TRPM3: variants seen among roughly 807,000 people sequenced by gnomAD.
TRPM3 encodes the protein long transient receptor potential channel 3.
A neutral mutation model predicts 181.2 loss-of-function variants in TRPM3; 77 were observed. The ratio of observed to expected loss-of-function variants is 0.42; its 90% CI spans 0.35 to 0.51. The LOEUF (loss-of-function observed/expected upper bound fraction) is 0.51. Ranked by LOEUF, TRPM3 falls within the 20% of genes least tolerant of loss-of-function variation. The probability of loss-of-function intolerance (pLI) is 0.01; values close to 1 mark genes in which losing one functional copy is unlikely to be tolerated. For synonymous variants in TRPM3, 745 were observed against 796.4 expected (o/e 0.94, Z 1.09); for missense variants, 1,759 against 2,196.7 (o/e 0.80, Z 3.98).
chr9:71,069,736 G>A (rs2062468086), intron 1 of TRPM3, among the ~76,000 whole-genome samples: 1 of 151,310 alleles, frequency 6.6e-6, no homozygotes, highest in Non-Finnish European at 1.5e-5. Context: ...AGCCTCCCAA[G>A]TAGCTAGGAT....
At chr9:70,631,829 C>G (rs1041107649) in intron 12 of TRPM3, among the ~76,000 whole-genome samples, 1 of 152,202 alleles carries the variant, frequency 6.6e-6, no homozygotes, top group African/African-American at 2.4e-5. Flanking sequence ...TCCCCACATT[C>G]AGTTCTGTTG....
At chr9:71,154,561 C>A (rs974693856) in intron 1 of TRPM3, among the ~76,000 whole-genome samples, 1 of 152,112 alleles carries the variant, frequency 6.6e-6, no homozygotes, top group Non-Finnish European at 1.5e-5. Flanking sequence ...CTCCCTCCTT[C>A]AAAATAATCT....
At chr9:70,810,450 G>T (rs2091809176) in intron 6 of TRPM3, among the ~76,000 whole-genome samples, 1 of 151,480 alleles carries the variant, frequency 6.6e-6, no homozygotes, top group South Asian at 2.1e-4. Flanking sequence ...TCCTCTGCTT[G>T]CCTCCATCCC....
At chr9:71,406,542 T>G (rs2093438778) in intron 1 of TRPM3, among the ~76,000 whole-genome samples, 1 of 152,162 alleles carries the variant, frequency 6.6e-6, no homozygotes, top group African/African-American at 2.4e-5. Flanking sequence ...CACACACATA[T>G]GCAGTGACAA....
intron 9 of TRPM3, among the ~76,000 whole-genome samples, chr9:70,659,009 A>G (rs138024548): frequency 0.018 from 2,746 of 152,234 alleles, 96 homozygotes; most frequent in African/African-American, 0.06. Context: ...GTATACTCCT[A>G]TGAACAAAAT....
intron 1 of TRPM3, among the ~76,000 whole-genome samples, chr9:71,235,012 C>G (rs1366930327): frequency 6.6e-6 from 1 of 152,198 alleles, no homozygotes; most frequent in Non-Finnish European, 1.5e-5. Flanking sequence ...TTCTCATGAA[C>G]AGCAGTTCTC....
intron 6 of TRPM3, chr9:70,826,209 C>CTAA (rs2093548117): frequency 6.6e-6 from 1 of 152,204 alleles, no homozygotes; most frequent in South Asian, 2.1e-4. Flanking sequence ...ATAGATAACA[C>CTAA]TGATTACATA....
At chr9:71,276,347 T>C (rs2084213383) in intron 1 of TRPM3, among the ~76,000 whole-genome samples, 1 of 152,144 alleles carries the variant, frequency 6.6e-6, no homozygotes, top group Admixed American at 6.5e-5. Flanking sequence ...GGGTAGATTA[T>C]GAAGGGAAAG....
chr9:71,157,163 A>G (rs115156419), intron 1 of TRPM3, among the ~76,000 whole-genome samples: 3 of 152,302 alleles, frequency 2.0e-5, no homozygotes, highest in African/African-American at 4.8e-5. Flanking sequence ...TAGAAAATGA[A>G]TAACAGTACA....
chr9:70,664,068 A>G (rs982230988), intron 9 of TRPM3, among the ~76,000 whole-genome samples: 9 of 152,208 alleles, frequency 5.9e-5, no homozygotes, highest in Non-Finnish European at 1.2e-4. Context: ...AGTGTTTTAC[A>G]TATTTCCAAC....
At chr9:71,306,331 A>T (rs2087317008) in intron 1 of TRPM3, among the ~76,000 whole-genome samples, 1 of 152,156 alleles carries the variant, frequency 6.6e-6, no homozygotes. Flanking sequence ...CAAAGTTTCC[A>T]TTTGTGACTG....
chr9:71,166,136 C>A (rs570817652), intron 1 of TRPM3, among the ~76,000 whole-genome samples: 22 of 152,240 alleles, frequency 1.4e-4, no homozygotes, highest in African/African-American at 4.6e-4. Flanking sequence ...GAGGAGTATT[C>A]CATCATGAGA....
chr9:70,615,082 A>G (rs1206398375), intron 18 of TRPM3, among the ~76,000 whole-genome samples: 1 of 152,232 alleles, frequency 6.6e-6, no homozygotes, highest in Non-Finnish European at 1.5e-5. Context: ...CTGCTGTCCT[A>G]CTAGGATAAT....
At position 71,439,705 on chromosome 9, in the gene TRPM3, T is replaced by G. The variant is rs556814631; in HGVS notation, c.183+6948A>C. Among the ~76,000 whole-genome samples, 7 of 152,286 alleles carry G rather than the reference T, an allele frequency of 4.6e-5. No individual in the cohort carries two copies. In the South Asian group the frequency reaches 1.4e-3, roughly 32 times the overall value. ...ACATTTTATTTATTTCAAAAAAATA[T>G]GAAGAAAAGATGGCAAATTGTTCAT... On this transcript the variant is annotated intron_variant, in intron 1 of 24. Coordinates refer to the TRPM3 transcript ENST00000357533.
intron 1 of TRPM3, among the ~76,000 whole-genome samples, chr9:71,381,910 C>T (rs568291848): frequency 9.2e-5 from 14 of 152,186 alleles, no homozygotes; most frequent in Admixed American, 4.6e-4. Context: ...ATTAATTCTA[C>T]GGTTTTTGAG....
intron 1 of TRPM3, among the ~76,000 whole-genome samples, chr9:71,321,717 C>T (rs144938454): frequency 1.2e-3 from 187 of 152,216 alleles, no homozygotes; most frequent in African/African-American, 4.4e-3. Context: ...TGCCTATGAT[C>T]TGCTAAAGGG....
chr9:71,086,587 T>G (rs1459227518), intron 1 of TRPM3, among the ~76,000 whole-genome samples: 1 of 152,012 alleles, frequency 6.6e-6, no homozygotes, highest in African/African-American at 2.4e-5. Flanking sequence ...AAGAGGGAAC[T>G]TCAGGTTGAT....
chr9:71,316,768 G>T (rs2088633315), intron 1 of TRPM3, among the ~76,000 whole-genome samples: 1 of 152,048 alleles, frequency 6.6e-6, no homozygotes, highest in African/African-American at 2.4e-5. Context: ...GAACTCTAAG[G>T]TAATACATTT....
chr9:70,773,499 G>C lies in TRPM3; in HGVS notation c.1148+10606C>G, dbSNP rs373015454. 3.3e-5 allele frequency among the ~76,000 whole-genome samples: 5 copies of C among 152,226 alleles called. No homozygotes were observed. The South Asian group carries it at 8.3e-4, about 25-fold the overall frequency. On this transcript the variant is annotated intron_variant, in intron 7 of 25. Transcript: ENST00000677713. ...GTCAGAGGTGTGGGAAAAGGGGAGGGATAAGTTTAAATTCTCTTTCAAAGT... is the reference window on the plus strand; with the variant it reads ...GTCAGAGGTGTGGGAAAAGGGGAGGCATAAGTTTAAATTCTCTTTCAAAGT...
Sources: gnomAD v4.1 joint callset for allele counts (sites outside exome capture counted in the v4.1 genomes callset) on GRCh38, gnomAD v4.1.1 for gene constraint, MANE v1.5 for transcripts, NCBI Gene and HGNC (gene_info 2026-07-23, HGNC 2026-07-21) for gene names.